The following HMGCLL1 variants were observed in gnomAD, a reference collection of about 807,000 sequenced individuals.
The protein encoded by HMGCLL1 is 3-hydroxy-3-methylglutaryl-CoA lyase like 1, also known as 3-hydroxymethyl-3-methylglutaryl-CoA lyase, cytoplasmic.
A neutral mutation model predicts 39.1 loss-of-function variants in HMGCLL1; 36 were observed. The ratio of observed to expected loss-of-function variants is 0.92; its 90% CI spans 0.71 to 1.22. HMGCLL1 has a LOEUF of 1.22. Ranked by LOEUF, HMGCLL1 falls within the 50% of genes most tolerant of loss-of-function variation. HMGCLL1 has a pLI of 0.00. For missense variants in HMGCLL1, 451 were observed against 416.5 expected (o/e 1.08, Z -0.72); for synonymous variants, 149 against 144.0 (o/e 1.03, Z -0.25).
intron 3 of HMGCLL1, among the ~76,000 whole-genome samples, chr6:55,537,873 G>C (rs1769120726): frequency 6.6e-6 from 1 of 152,120 alleles, no homozygotes; most frequent in South Asian, 2.1e-4. Flanking sequence ...AATTTGAATA[G>C]TTTAAGCCCT....
the HMGCLL1 span, among the ~76,000 whole-genome samples, chr6:55,640,034 T>C: frequency 1.3e-5 from 2 of 151,748 alleles, no homozygotes; most frequent in Non-Finnish European, 2.9e-5. Context: ...GCCCAGACCA[T>C]GCCATTGCAC....
At chr6:55,465,327 A>T (rs549053479) in intron 7 of HMGCLL1, among the ~76,000 whole-genome samples, 1 of 152,062 alleles carries the variant, frequency 6.6e-6, no homozygotes, top group South Asian at 2.1e-4. Flanking sequence ...ATTACTTCAC[A>T]CACCCAAAAT....
At chr6:55,454,919 G>T (rs775382235) in intron 7 of HMGCLL1, among the ~76,000 whole-genome samples, 1 of 152,038 alleles carries the variant, frequency 6.6e-6, no homozygotes, top group African/African-American at 2.4e-5. Context: ...TTTTTACATA[G>T]ATATAAAATA....
chr6:55,501,594 C>T (rs10948927), intron 5 of HMGCLL1, among the ~76,000 whole-genome samples: 102,439 of 151,632 alleles, frequency 0.68, 34,619 homozygotes, highest in Non-Finnish European at 0.7. Context: ...TGCTCTTCTC[C>T]AACAATCTAT....
At chr6:55,670,338 T>C in the HMGCLL1 span, among the ~76,000 whole-genome samples, 6 of 151,968 alleles carry the variant, frequency 3.9e-5, no homozygotes, top group Admixed American at 3.9e-4. Context: ...GCCTGCTATT[T>C]AATAAAGAAT....
chr6:55,603,633 G>T, the HMGCLL1 span, among the ~76,000 whole-genome samples: 1 of 152,078 alleles, frequency 6.6e-6, no homozygotes, highest in Non-Finnish European at 1.5e-5. Flanking sequence ...ACCACAGAAG[G>T]TCTTCTTGGG....
At chr6:55,578,845 G>A in intron 1 of HMGCLL1, 103 bp downstream of exon 1, 1 of 799,652 alleles carries the variant, frequency 1.3e-6, no homozygotes. Context: ...CCTGGGGTGA[G>A]GAGGTGACAT....
the HMGCLL1 span, among the ~76,000 whole-genome samples, chr6:55,632,991 T>C: frequency 6.6e-6 from 1 of 152,216 alleles, no homozygotes; most frequent in East Asian, 1.9e-4. Flanking sequence ...TGAGTTCTGT[T>C]TGACCCTCCA....
At chr6:55,607,682 G>A in the HMGCLL1 span, among the ~76,000 whole-genome samples, 1 of 152,148 alleles carries the variant, frequency 6.6e-6, no homozygotes, top group Non-Finnish European at 1.5e-5. Flanking sequence ...ACTGTCACTA[G>A]CTTGACTTTT....
intron 7 of HMGCLL1, among the ~76,000 whole-genome samples, chr6:55,491,264 T>C (rs1229039807): frequency 1.3e-5 from 2 of 152,208 alleles, no homozygotes; most frequent in African/African-American, 4.8e-5. Context: ...ACATGGTTTA[T>C]TAAGCAGCAC....
chr6:55,503,857 C>A (rs1767020716), intron 5 of HMGCLL1, among the ~76,000 whole-genome samples: 1 of 151,728 alleles, frequency 6.6e-6, no homozygotes, highest in Admixed American at 6.6e-5. Flanking sequence ...TCCCCTCTAG[C>A]TTCTGTGGCA....
At chr6:55,469,186 A>G (rs1764921600) in intron 7 of HMGCLL1, among the ~76,000 whole-genome samples, 1 of 151,110 alleles carries the variant, frequency 6.6e-6, no homozygotes, top group Admixed American at 6.6e-5. Context: ...TAAACAACAA[A>G]AAGAAAAACC....
intron 7 of HMGCLL1, among the ~76,000 whole-genome samples, chr6:55,465,837 G>C (rs1055593048): frequency 6.6e-6 from 1 of 152,038 alleles, no homozygotes; most frequent in African/African-American, 2.4e-5. Flanking sequence ...TTTTGTAAGA[G>C]TGTAAAATCA....
chr6:55,475,685 T>C (rs967599401), intron 7 of HMGCLL1, among the ~76,000 whole-genome samples: 1 of 151,700 alleles, frequency 6.6e-6, no homozygotes, highest in Non-Finnish European at 1.5e-5. Flanking sequence ...TATTTTCCAC[T>C]GTTAGCCTTT....
chr6:55,575,555 C>T (rs1771721550), intron 1 of HMGCLL1, among the ~76,000 whole-genome samples: 1 of 152,058 alleles, frequency 6.6e-6, no homozygotes, highest in South Asian at 2.1e-4. Context: ...CTATTGCACA[C>T]ACATAATTAT....
At chr6:55,490,069 T>A (rs1766232288) in intron 7 of HMGCLL1, among the ~76,000 whole-genome samples, 1 of 152,086 alleles carries the variant, frequency 6.6e-6, no homozygotes, top group South Asian at 2.1e-4. Context: ...ATATTCTCCG[T>A]CCTGTAATCT....
At chr6:55,576,934 C>G (rs1771786769) in intron 1 of HMGCLL1, 4 of 1,121,200 alleles carry the variant, frequency 3.6e-6, no homozygotes, top group Non-Finnish European at 5.0e-6. Context: ...AGCTGAACAT[C>G]TGGACTGGAA....
rs1169370048 is a variant in HMGCLL1, at chr6:55,439,570, A to AACC, written c.796-14_796-12dup. 22 of 1,611,190 alleles carry AACC rather than the reference A, an allele frequency of 1.4e-5. No individual in the cohort carries two copies. The highest frequency in any genetic ancestry group is 1.9e-5 in the Non-Finnish European group (22 of 1,178,144). On this transcript the variant is annotated splice_polypyrimidine_tract_variant and intron_variant, in intron 7 of 8. Transcript: ENST00000274901. The stretch of plus-strand genomic sequence containing the variant: ...CACATTAATTCCCATCTGGAAAACA[A>AACC]ACCAAACCACCTAAAGCTTGTGTGT...
the HMGCLL1 span, among the ~76,000 whole-genome samples, chr6:55,645,467 G>T: frequency 1.3e-5 from 2 of 151,908 alleles, no homozygotes; most frequent in African/African-American, 4.8e-5. Flanking sequence ...GGGCATCCTT[G>T]TCACATTCCA....
Sources: allele counts gnomAD v4.1 joint callset (sites outside exome capture counted in the v4.1 genomes callset), GRCh38; gene constraint gnomAD v4.1.1; transcripts MANE v1.5; gene names NCBI Gene and HGNC (gene_info 2026-07-23, HGNC 2026-07-21).